FAM81B: variants seen among roughly 807,000 people sequenced by gnomAD.
The protein encoded by FAM81B is protein FAM81B.
FAM81B carries 60 observed loss-of-function variants against 58.7 expected under a neutral mutation model. That is an observed-to-expected ratio of 1.02 (90% CI 0.83 to 1.27). FAM81B has a LOEUF of 1.27. Among genes scored for constraint, FAM81B ranks in the 50% most tolerant of loss-of-function variants. FAM81B has a pLI of 0.00. For missense variants in FAM81B, 491 were observed against 522.0 expected (o/e 0.94, Z 0.58); for synonymous variants, 189 against 179.6 (o/e 1.05, Z -0.42).
At position 95,446,681 on chromosome 5, in the gene FAM81B, T is replaced by C; in HGVS notation, c.1013T>C (p.Val338Ala). ...HLGHINECLK[V>A]LQEKLEKSEN... is the part of the protein sequence containing the mutation. ...GGCCATATAAATGAATGTCTGAAGG[T>C]CCTACAGGAGAAACTGGTGAGGAGT... The change falls in exon 8 of 10, where the codon GTC (valine) becomes GCC (alanine). Residue 338 changes from valine to alanine, a missense_variant. By Grantham distance (64) the Val-to-Ala change is moderately conservative. Transcript: ENST00000283357. 3 of 1,611,422 alleles carry C rather than the reference T, an allele frequency of 1.9e-6. No individual in the cohort carries two copies. The highest frequency in any genetic ancestry group is 2.2e-5 in the South Asian group (2 of 90,048).
chr5:95,445,103 CCAAA>C (rs1314192762), intron 7 of FAM81B, among the ~76,000 whole-genome samples: 7 of 151,970 alleles, frequency 4.6e-5, no homozygotes, highest in Non-Finnish European at 8.8e-5. Flanking sequence ...AATAATTAGC[CCAAA>C]CACTTTTTCC....
chr5:95,440,851 G>GA (rs974032596), intron 7 of FAM81B, among the ~76,000 whole-genome samples: 5 of 151,918 alleles, frequency 3.3e-5, no homozygotes, highest in Non-Finnish European at 4.4e-5. Flanking sequence ...GAAAGTAGGG[G>GA]AAAAAAAAGA....
In FAM81B at chr5:95,414,283, G is replaced by A. The variant is rs544388897; in HGVS notation, c.537+93G>A. The A allele has an allele frequency of 2.5e-4, 331 of 1,326,402 alleles. 2 individuals carry two copies. The Admixed American group carries it at 6.9e-3, about 28-fold the overall frequency. 82.2% of individuals were successfully genotyped at this position (1,326,402 alleles called of 1,614,324 possible). ...CAACCATCAGTGTCATTTTTCAAGT[G>A]CAGAAATATATCACTATTGCTTAAG... On this transcript the variant is annotated intron_variant, in intron 4 of 9. Transcript: ENST00000283357.
intron 5 of FAM81B, among the ~76,000 whole-genome samples, chr5:95,420,962 A>G (rs1205648629): frequency 1.3e-5 from 2 of 152,254 alleles, no homozygotes; most frequent in Middle Eastern, 3.4e-3. Context: ...CCATCTCTAC[A>G]TCTTCTGCCA....
chr5:95,403,034 C>T (rs1240101962), intron 3 of FAM81B, among the ~76,000 whole-genome samples: 2 of 152,210 alleles, frequency 1.3e-5, no homozygotes, highest in Non-Finnish European at 2.9e-5. Flanking sequence ...TTCCATAGTT[C>T]ACTACTTTAG....
At chr5:95,448,589 C>A in intron 9 of FAM81B, 125 bp downstream of exon 9, 1 of 886,202 alleles carries the variant, frequency 1.1e-6, no homozygotes, top group Non-Finnish European at 1.7e-6. Flanking sequence ...TGTATTTATT[C>A]CACTTTTCTA....
At chr5:95,427,293 A>T (rs1473580241) in intron 5 of FAM81B, among the ~76,000 whole-genome samples, 1 of 152,136 alleles carries the variant, frequency 6.6e-6, no homozygotes, top group Non-Finnish European at 1.5e-5. Flanking sequence ...CTAACTAACC[A>T]ACAATAGAGG....
intron 2 of FAM81B, among the ~76,000 whole-genome samples, chr5:95,394,641 G>C (rs935256885): frequency 6.6e-6 from 1 of 152,158 alleles, no homozygotes; most frequent in African/African-American, 2.4e-5. Context: ...TTCTCGAGGG[G>C]AAGACGTGGC....
intron 6 of FAM81B, among the ~76,000 whole-genome samples, chr5:95,433,636 TG>T (rs1158372421): frequency 1.3e-5 from 2 of 152,202 alleles, no homozygotes; most frequent in Non-Finnish European, 2.9e-5. Flanking sequence ...TTTTGAGGAT[TG>T]TTTTTGGTGG....
intron 1 of FAM81B, among the ~76,000 whole-genome samples, chr5:95,392,551 A>T (rs1371376534): frequency 6.6e-6 from 1 of 152,194 alleles, no homozygotes; most frequent in Admixed American, 6.5e-5. Flanking sequence ...ATCCTAAAAA[A>T]GTTTCTAAAG....
chr5:95,421,631 G>T (rs973654826), intron 5 of FAM81B, among the ~76,000 whole-genome samples: 1 of 151,890 alleles, frequency 6.6e-6, no homozygotes, highest in Non-Finnish European at 1.5e-5. Context: ...TAAGGGGGTG[G>T]CATATCATAT....
chr5:95,393,245 T>C (rs1205733238), intron 2 of FAM81B, among the ~76,000 whole-genome samples: 4 of 152,238 alleles, frequency 2.6e-5, no homozygotes. Context: ...GAATGTTTCC[T>C]TTATTAGAAC....
In FAM81B at chr5:95,450,229, C is replaced by G. The variant is rs763732152; in HGVS notation, c.1306C>G (p.Gln436Glu). 1 of 1,613,214 alleles carries G rather than the reference C, an allele frequency of 6.2e-7. No homozygotes were observed. Among genetic ancestry groups the G allele is most frequent in the Non-Finnish European group, 8.5e-7 (1 of 1,179,580 alleles). The part of the protein sequence containing the change: ...TKMDLEKYKV[Q>E]KDLKKLQRKI... ...GATGGATTTAGAGAAATATAAAGTACAGAAAGACCTAAAGAAATTACAGCG... is the reference window on the plus strand; with the variant it reads ...GATGGATTTAGAGAAATATAAAGTAGAGAAAGACCTAAAGAAATTACAGCG... Residue 436 changes from glutamine (Q) to glutamate (E), a missense_variant, in exon 10 of 10, where the codon CAG (glutamine) becomes GAG (glutamate). Physicochemically the swap from Gln to Glu is conservative, Grantham distance 29. Coordinates refer to ENST00000283357, the MANE Select transcript of FAM81B (RefSeq NM_152548.3).
At chr5:95,406,214 T>TA (rs1762242207) in intron 3 of FAM81B, 1 of 154,358 alleles carries the variant, frequency 6.5e-6, no homozygotes, top group Admixed American at 6.5e-5. Flanking sequence ...GATTGGCGAA[T>TA]AGAAGGCTTA....
intron 4 of FAM81B, among the ~76,000 whole-genome samples, chr5:95,415,252 G>C (rs2152763826): frequency 6.6e-6 from 1 of 152,312 alleles, no homozygotes; most frequent in Middle Eastern, 3.4e-3. Flanking sequence ...CCCAAAACTT[G>C]TGGAGTTATC....
chr5:95,437,770 C>CT (rs199656184), intron 7 of FAM81B, among the ~76,000 whole-genome samples: 120 of 151,640 alleles, frequency 7.9e-4, no homozygotes, highest in African/African-American at 2.5e-3. Flanking sequence ...TCAAATCTCC[C>CT]TTTTTTTCTT....
chr5:95,400,246 G>T (rs529047831), intron 3 of FAM81B, among the ~76,000 whole-genome samples: 16 of 152,262 alleles, frequency 1.1e-4, no homozygotes, highest in African/African-American at 3.6e-4. Context: ...TTCCTTCTGA[G>T]GGCTCCAAGG....
chr5:95,429,422 T>C (rs1412683962), intron 6 of FAM81B, among the ~76,000 whole-genome samples: 3 of 152,218 alleles, frequency 2.0e-5, no homozygotes, highest in African/African-American at 7.2e-5. Flanking sequence ...AACAAGCACT[T>C]CTCTTCTCCT....
intron 5 of FAM81B, among the ~76,000 whole-genome samples, chr5:95,426,538 T>C (rs1346822207): frequency 3.9e-5 from 6 of 152,178 alleles, no homozygotes; most frequent in Admixed American, 3.9e-4. Flanking sequence ...ATCACCTCCT[T>C]CCATCCCTAA....
Sources: allele counts gnomAD v4.1 joint callset (sites outside exome capture counted in the v4.1 genomes callset), GRCh38; gene constraint gnomAD v4.1.1; transcripts MANE v1.5; gene names NCBI Gene and HGNC (gene_info 2026-07-23, HGNC 2026-07-21).